Variants in LHFPL6 observed in about 807,000 individuals in gnomAD.
LHFPL6 encodes the protein LHFPL tetraspan subfamily member 6.
A neutral mutation model predicts 20.6 loss-of-function variants in LHFPL6; 9 were observed. The observed-to-expected ratio is 0.44, with a 90% CI of 0.26 to 0.76. The LOEUF is 0.76. Ranked by LOEUF, LHFPL6 falls within the 30% of genes least tolerant of loss-of-function variation. The probability of loss-of-function intolerance (pLI) is 0.20; values close to 1 mark genes in which losing one functional copy is unlikely to be tolerated. For missense variants in LHFPL6, 218 were observed against 253.5 expected, an observed-to-expected ratio of 0.86 and a Z score of 0.95; for synonymous variants, 105 against 98.7, an observed-to-expected ratio of 1.06 and a Z score of -0.38.
At chr13:39,361,848 G>C (rs1869879055) in intron 3 of LHFPL6, among the ~76,000 whole-genome samples, 1 of 152,236 alleles carries the variant, frequency 6.6e-6, no homozygotes, top group African/African-American at 2.4e-5. Flanking sequence ...CCAGATAAGA[G>C]AATGTTATTG....
chr13:39,527,334 G>C lies in LHFPL6; in HGVS notation c.385+73498C>G, dbSNP rs147540711. On this transcript the variant is annotated intron_variant, in intron 2 of 3. Transcript: ENST00000379589. ...CCTCATGTGTCACCTAAGGTGATGT[G>C]CTTCAACTAACATCAAGAAAATATC... Among the ~76,000 whole-genome samples, 1,502 of 152,184 alleles carry C rather than the reference G, an allele frequency of 9.9e-3. 25 individuals are homozygous for C. Among genetic ancestry groups the C allele is most frequent in the African/African-American group, 0.034 (1,428 of 41,508 alleles).
At chr13:39,557,584 A>G (rs1239382889) in intron 2 of LHFPL6, among the ~76,000 whole-genome samples, 1 of 152,228 alleles carries the variant, frequency 6.6e-6, no homozygotes, top group Non-Finnish European at 1.5e-5. Flanking sequence ...TGGCAGATCT[A>G]CTACTAAAAA....
chr13:39,515,107 C>A (rs1032217574), intron 2 of LHFPL6, among the ~76,000 whole-genome samples: 1 of 152,196 alleles, frequency 6.6e-6, no homozygotes, highest in Non-Finnish European at 1.5e-5. Flanking sequence ...AGTGGCTGTA[C>A]CTCTAACAGC....
intron 2 of LHFPL6, among the ~76,000 whole-genome samples, chr13:39,592,522 C>G (rs1463925653): frequency 2.0e-5 from 3 of 152,196 alleles, no homozygotes; most frequent in Non-Finnish European, 4.4e-5. Flanking sequence ...GATGGATGCA[C>G]AGCCGAATTC....
rs1555265750 is a variant in LHFPL6, at chr13:39,512,611, A to AAAAAAG, written c.385+88220_385+88221insCTTTTT. On this transcript the variant is annotated intron_variant, in intron 2 of 3. Coordinates refer to ENST00000379589, the MANE Select transcript of LHFPL6 (RefSeq NM_005780.3). Reference sequence around the variant, plus strand: ...AGCGAGCCTCCGTCTCAAAAAAAAAAAAAAGAAAAGAAAAAGAAATCAGAC... The same window carrying AAAAAAG: ...AGCGAGCCTCCGTCTCAAAAAAAAAAAAAAAGAAAAGAAAAGAAAAAGAAATCAGAC... Among the ~76,000 whole-genome samples, 732 of 150,664 alleles carry AAAAAAG rather than the reference A, an allele frequency of 4.9e-3. 9 individuals carry two copies. The highest frequency in any genetic ancestry group is 0.017 in the African/African-American group (703 of 40,636).
At chr13:39,347,144 G>C (rs2138333531) in intron 3 of LHFPL6, among the ~76,000 whole-genome samples, 1 of 146,404 alleles carries the variant, frequency 6.8e-6, no homozygotes, top group Non-Finnish European at 1.5e-5. Context: ...CCTTCCTATA[G>C]CCTATGAGGG....
At chr13:39,512,330 C>T (rs927444794) in intron 2 of LHFPL6, among the ~76,000 whole-genome samples, 25 of 152,234 alleles carry the variant, frequency 1.6e-4, no homozygotes, top group African/African-American at 2.6e-4. Context: ...AGGCTGGGTG[C>T]GGTGGCTCAC....
At chr13:39,452,125 CAG>C (rs60613104) in intron 2 of LHFPL6, among the ~76,000 whole-genome samples, 14,188 of 150,580 alleles carry the variant, frequency 0.094, 1,246 homozygotes, top group East Asian at 0.51. Flanking sequence ...AAGGATATAA[CAG>C]AGAGTTTAAA....
At chr13:39,473,433 T>C (rs1461357624) in intron 2 of LHFPL6, among the ~76,000 whole-genome samples, 1 of 151,706 alleles carries the variant, frequency 6.6e-6, no homozygotes, top group East Asian at 1.9e-4. Context: ...AGGGAATCAC[T>C]GGGTACCTTA....
intron 2 of LHFPL6, among the ~76,000 whole-genome samples, chr13:39,461,074 G>A (rs1006395514): frequency 6.6e-6 from 1 of 152,146 alleles, no homozygotes; most frequent in Non-Finnish European, 1.5e-5. Flanking sequence ...ATTTAGAGGG[G>A]AGAACATGCA....
chr13:39,448,406 A>C (rs1226832949), intron 2 of LHFPL6, among the ~76,000 whole-genome samples: 1 of 152,208 alleles, frequency 6.6e-6, no homozygotes, highest in Non-Finnish European at 1.5e-5. Flanking sequence ...TTTGCAAAAT[A>C]GAGAAGGATT....
chr13:39,369,588 T>TTCCTTCCTTCCTTCCTTCCCTCCCTCCC (rs1566095645), intron 3 of LHFPL6, among the ~76,000 whole-genome samples: 2 of 146,856 alleles, frequency 1.4e-5, no homozygotes, highest in African/African-American at 5.0e-5. Context: ...CCTTCCTTCC[T>TTCCTTCCTTCCTTCCTTCCCTCCCTCCC]TCCTTCCTTC....
At chr13:39,598,349 A>G (rs1872830302) in intron 2 of LHFPL6, among the ~76,000 whole-genome samples, 1 of 152,082 alleles carries the variant, frequency 6.6e-6, no homozygotes, top group African/African-American at 2.4e-5. Flanking sequence ...GATTCTTTAA[A>G]ACTTTTTCCA....
At chr13:39,545,587 G>C (rs1870956135) in intron 2 of LHFPL6, among the ~76,000 whole-genome samples, 1 of 152,038 alleles carries the variant, frequency 6.6e-6, no homozygotes, top group Non-Finnish European at 1.5e-5. Context: ...ATCCATGGGG[G>C]ATTGGTTACA....
At chr13:39,359,093 C>T (rs879520348) in intron 3 of LHFPL6, among the ~76,000 whole-genome samples, 10 of 150,328 alleles carry the variant, frequency 6.7e-5, no homozygotes, top group Non-Finnish European at 1.2e-4. Flanking sequence ...ACCCGGGAGG[C>T]GGATGTTTCA....
chr13:39,455,863 TA>T (rs1304378814), intron 2 of LHFPL6, among the ~76,000 whole-genome samples: 4 of 151,986 alleles, frequency 2.6e-5, no homozygotes, highest in Non-Finnish European at 5.9e-5. Context: ...AAGAAACAAA[TA>T]AAAAAATCAG....
chr13:39,528,645 A>T (rs1198483952), intron 2 of LHFPL6, among the ~76,000 whole-genome samples: 1 of 152,238 alleles, frequency 6.6e-6, no homozygotes, highest in Non-Finnish European at 1.5e-5. Flanking sequence ...TTTTAGGGAA[A>T]GTGGCAGGCA....
chr13:39,499,488 C>T (rs1869218820), intron 2 of LHFPL6, among the ~76,000 whole-genome samples: 1 of 152,192 alleles, frequency 6.6e-6, no homozygotes, highest in Admixed American at 6.5e-5. Context: ...TTTCAGATAA[C>T]CACATTCCTA....
chr13:39,477,348 A>C (rs74338237), intron 2 of LHFPL6, among the ~76,000 whole-genome samples: 11,395 of 152,254 alleles, frequency 0.075, 554 homozygotes, highest in Middle Eastern at 0.14. Flanking sequence ...TCTCTGTGTA[A>C]GTTTCTTGGG....
Sources: gnomAD v4.1 joint callset for allele counts (sites outside exome capture counted in the v4.1 genomes callset) on GRCh38, gnomAD v4.1.1 for gene constraint, MANE v1.5 for transcripts, NCBI Gene and HGNC (gene_info 2026-07-23, HGNC 2026-07-21) for gene names.